Variants in COL13A1 observed in about 807,000 individuals in gnomAD.
COL13A1 encodes collagen type XIII alpha 1 chain, also known as collagen alpha-1(XIII) chain.
In COL13A1, 89 loss-of-function variants were observed where a neutral mutation model predicts 130.9. The observed-to-expected ratio is 0.68, with a 90% CI of 0.57 to 0.81. COL13A1 has a LOEUF of 0.81. COL13A1 is among the 30% of genes least tolerant of loss of function. The probability of loss-of-function intolerance (pLI) is 0.00; values close to 1 mark genes in which losing one functional copy is unlikely to be tolerated. For synonymous variants in COL13A1, 402 were observed against 341.6 expected, an observed-to-expected ratio of 1.18 and a Z score of -1.95; for missense variants, 879 against 934.6, an observed-to-expected ratio of 0.94 and a Z score of 0.78.
chr10:69,889,332 G>C, intron 9 of COL13A1, 82 bp from the exon 10 acceptor site: 1 of 1,244,356 alleles, frequency 8.0e-7, no homozygotes, highest in Non-Finnish European at 1.1e-6. Context: ...AGCACAGGGG[G>C]CAGGGAGGAG....
chr10:69,885,864 C>A (rs1372688643), intron 7 of COL13A1, among the ~76,000 whole-genome samples: 2 of 152,238 alleles, frequency 1.3e-5, no homozygotes, highest in African/African-American at 4.8e-5. Context: ...GTGGGATCTC[C>A]TCCCTCGTGC....
intron 17 of COL13A1, among the ~76,000 whole-genome samples, chr10:69,914,659 C>G (rs1398834082): frequency 6.6e-6 from 1 of 152,174 alleles, no homozygotes; most frequent in African/African-American, 2.4e-5. Flanking sequence ...TGCACCCACA[C>G]CAGAGGACTG....
At position 69,959,103 on chromosome 10, in the gene COL13A1, C is replaced by T; in HGVS notation, c.*402C>T. 1 of 169,540 alleles carries T rather than the reference C, an allele frequency of 5.9e-6. No individual in the cohort carries two copies. The highest frequency in any genetic ancestry group is 6.2e-5 in the Admixed American group (1 of 16,042). The allele number at this position is 169,540 out of a possible 1,614,324, so 10.5% of individuals were successfully genotyped here. The stretch of plus-strand genomic sequence containing the variant: ...TAGGTGTGTCTAAGAGTATTTTAAA[C>T]CCTTATGGATTTTCATTATTAAAGG... On this transcript the variant is annotated 3_prime_UTR_variant, in exon 41 of 41. Transcript: ENST00000645393.
intron 1 of COL13A1, among the ~76,000 whole-genome samples, chr10:69,812,484 C>T (rs746612535): frequency 3.3e-5 from 5 of 152,124 alleles, no homozygotes; most frequent in African/African-American, 7.2e-5. Context: ...GACTGGTACT[C>T]CAGTAATAGA....
chr10:69,822,667 T>G (rs1846399752), intron 2 of COL13A1, among the ~76,000 whole-genome samples: 1 of 152,216 alleles, frequency 6.6e-6, no homozygotes, highest in South Asian at 2.1e-4. Flanking sequence ...TTTATGGGCC[T>G]GATACTCTTT....
intron 10 of COL13A1, among the ~76,000 whole-genome samples, chr10:69,890,959 T>A (rs2061112647): frequency 6.6e-6 from 1 of 152,202 alleles, no homozygotes; most frequent in Non-Finnish European, 1.5e-5. Context: ...CTTCCCTCCC[T>A]TTTTTTATTA....
chr10:69,852,377 C>T (rs1002085911), intron 2 of COL13A1, among the ~76,000 whole-genome samples: 1 of 152,198 alleles, frequency 6.6e-6, no homozygotes, highest in African/African-American at 2.4e-5. Flanking sequence ...TATCATTTCA[C>T]ATATGTTATC....
intron 2 of COL13A1, among the ~76,000 whole-genome samples, chr10:69,845,161 CTTTTCTTTTCTCT>C (rs1382265846): frequency 6.6e-6 from 1 of 151,102 alleles, no homozygotes; most frequent in Non-Finnish European, 1.5e-5. Flanking sequence ...GCCTCATCCT[CTTTTCTTTTCTCT>C]TTTTCTTTTC....
intron 2 of COL13A1, among the ~76,000 whole-genome samples, chr10:69,838,189 C>T (rs925559231): frequency 6.6e-6 from 1 of 152,232 alleles, no homozygotes; most frequent in South Asian, 2.1e-4. Context: ...CTTCCCGGTC[C>T]CACTTGTGTC....
At chr10:69,831,254 G>T (rs1848752093) in intron 2 of COL13A1, among the ~76,000 whole-genome samples, 1 of 152,162 alleles carries the variant, frequency 6.6e-6, no homozygotes, top group African/African-American at 2.4e-5. Context: ...CTGTGGGCTG[G>T]CAGCAATGGT....
intron 2 of COL13A1, among the ~76,000 whole-genome samples, chr10:69,865,046 A>G (rs1414409308): frequency 6.6e-6 from 1 of 152,228 alleles, no homozygotes; most frequent in African/African-American, 2.4e-5. Flanking sequence ...TAGTACGGGC[A>G]GTACCTCAGC....
intron 16 of COL13A1, 70 bp from the exon 17 acceptor site, chr10:69,905,717 T>TG: frequency 6.5e-7 from 1 of 1,547,306 alleles, no homozygotes; most frequent in Non-Finnish European, 8.9e-7. Flanking sequence ...TGGTATTGTG[T>TG]GGGGAACAGC....
intron 3 of COL13A1, 141 bp from the exon 4 acceptor site, chr10:69,872,043 G>A: frequency 1.1e-6 from 1 of 928,842 alleles, no homozygotes; most frequent in South Asian, 1.5e-5. Flanking sequence ...AGCGATCAAG[G>A]CTCCCCCTTC....
At chr10:69,866,171 T>C (rs1439852629) in intron 2 of COL13A1, among the ~76,000 whole-genome samples, 1 of 152,208 alleles carries the variant, frequency 6.6e-6, no homozygotes, top group East Asian at 1.9e-4. Flanking sequence ...TTGAGTCTTG[T>C]GCCAGCTACC....
intron 13 of COL13A1, 55 bp from the exon 14 acceptor site, chr10:69,898,642 T>C (rs751762750): frequency 3.7e-5 from 56 of 1,530,326 alleles, no homozygotes; most frequent in Non-Finnish European, 4.8e-5. Flanking sequence ...TCGATCTGAA[T>C]ACCTGTGATC....
chr10:69,895,974 G>A (rs1041391629), intron 13 of COL13A1, among the ~76,000 whole-genome samples: 8 of 152,134 alleles, frequency 5.3e-5, no homozygotes, highest in African/African-American at 1.2e-4. Context: ...ATGTGTGTGC[G>A]TGTGTGTGGC....
chr10:69,905,510 AGGTCTCCTG>A (rs1000984003), intron 16 of COL13A1, among the ~76,000 whole-genome samples: 7 of 152,308 alleles, frequency 4.6e-5, no homozygotes, highest in African/African-American at 7.2e-5. Context: ...CAATAGAATC[AGGTCTCCTG>A]GGTCTCCTGG....
chr10:69,887,063 T>A (rs1288972893), intron 7 of COL13A1, among the ~76,000 whole-genome samples: 4 of 152,152 alleles, frequency 2.6e-5, no homozygotes, highest in Admixed American at 2.6e-4. Flanking sequence ...GCAATGACTG[T>A]GTAAATAAAA....
intron 2 of COL13A1, among the ~76,000 whole-genome samples, chr10:69,852,490 G>T (rs537190146): frequency 6.6e-6 from 1 of 152,392 alleles, no homozygotes; most frequent in East Asian, 1.9e-4. Context: ...AAGCTCGACT[G>T]CTAGAAGATG....
Sources: allele counts gnomAD v4.1 joint callset (sites outside exome capture counted in the v4.1 genomes callset), GRCh38; gene constraint gnomAD v4.1.1; transcripts MANE v1.5; gene names NCBI Gene and HGNC (gene_info 2026-07-23, HGNC 2026-07-21).